The following SLC35F4 variants were observed in gnomAD, a reference collection of about 807,000 sequenced individuals.
SLC35F4 encodes chromosome 14 open reading frame 36.
SLC35F4 carries 24 observed loss-of-function variants against 44.2 expected under a neutral mutation model. The ratio of observed to expected loss-of-function variants is 0.54; its 90% CI spans 0.39 to 0.76. The LOEUF is 0.76. Ranked by LOEUF, SLC35F4 falls within the 30% of genes least tolerant of loss-of-function variation. SLC35F4 has a pLI of 0.00. For missense variants in SLC35F4, 562 were observed against 586.1 expected (o/e 0.96, Z 0.42); for synonymous variants, 238 against 223.6 (o/e 1.06, Z -0.57).
chr14:57,959,486 G>A (rs944878227), intron 1 of SLC35F4, among the ~76,000 whole-genome samples: 1 of 152,016 alleles, frequency 6.6e-6, no homozygotes, highest in African/African-American at 2.4e-5. Context: ...GGAAATTGAG[G>A]TTCTACCCAT....
intron 1 of SLC35F4, among the ~76,000 whole-genome samples, chr14:57,922,810 G>A (rs1164391126): frequency 6.6e-6 from 1 of 152,178 alleles, no homozygotes; most frequent in African/African-American, 2.4e-5. Context: ...TGTGGCATTA[G>A]GCTAGATGAG....
chr14:57,828,192 A>G (rs568414203), intron 1 of SLC35F4, among the ~76,000 whole-genome samples: 1 of 152,184 alleles, frequency 6.6e-6, no homozygotes, highest in African/African-American at 2.4e-5. Context: ...GGAGAGCTTT[A>G]TTTAAACAAA....
chr14:57,668,090 A>G (rs1483819346), intron 1 of SLC35F4, among the ~76,000 whole-genome samples: 2 of 150,164 alleles, frequency 1.3e-5, no homozygotes, highest in African/African-American at 2.5e-5. Context: ...GCCAGTGATG[A>G]TGAGCATTTT....
downstream of SLC35F4, among the ~76,000 whole-genome samples, chr14:57,972,940 C>G (rs1241496335): frequency 6.6e-6 from 1 of 152,236 alleles, no homozygotes; most frequent in Non-Finnish European, 1.5e-5. Context: ...AGTTCCTTTA[C>G]TGGGTGACAG....
intron 1 of SLC35F4, among the ~76,000 whole-genome samples, chr14:57,912,589 T>C (rs751937681): frequency 2.0e-5 from 3 of 152,056 alleles, no homozygotes; most frequent in Non-Finnish European, 4.4e-5. Flanking sequence ...AGCATCTTTC[T>C]GTTGGTGATT....
intron 1 of SLC35F4, among the ~76,000 whole-genome samples, chr14:57,654,467 CA>C (rs2073894304): frequency 6.6e-6 from 1 of 152,026 alleles, no homozygotes; most frequent in Non-Finnish European, 1.5e-5. Context: ...GTATATATAC[CA>C]CATTTTCTTT....
chr14:57,710,965 G>A (rs535434885), intron 1 of SLC35F4, among the ~76,000 whole-genome samples: 33 of 152,170 alleles, frequency 2.2e-4, no homozygotes, highest in African/African-American at 7.7e-4. Context: ...GGGGACTGTT[G>A]GGAAGGCATG....
At chr14:57,566,035 G>A (rs2068189482) in intron 7 of SLC35F4, among the ~76,000 whole-genome samples, 1 of 152,126 alleles carries the variant, frequency 6.6e-6, no homozygotes. Flanking sequence ...ATTCCAGAGG[G>A]CCATCTGCTC....
chr14:57,613,413 C>A (rs141943348), intron 1 of SLC35F4, among the ~76,000 whole-genome samples: 12 of 152,174 alleles, frequency 7.9e-5, no homozygotes, highest in African/African-American at 2.9e-4. Context: ...GAGGAGATGG[C>A]GGTCTGTGCT....
At chr14:57,872,817 G>C (rs1471550358) in intron 1 of SLC35F4, among the ~76,000 whole-genome samples, 1 of 152,138 alleles carries the variant, frequency 6.6e-6, no homozygotes, top group Non-Finnish European at 1.5e-5. Flanking sequence ...ACTATGGTCA[G>C]CTCAGTCACA....
intron 1 of SLC35F4, among the ~76,000 whole-genome samples, chr14:57,950,768 AAGCAATTCTCCTCCCTC>A (rs1890123212): frequency 6.7e-6 from 1 of 149,022 alleles, no homozygotes. Flanking sequence ...ACCCAGGTTA[AAGCAATTCTCCTCCCTC>A]AGCCTCCTGA....
chr14:57,856,174 C>T (rs1361418845), intron 1 of SLC35F4, among the ~76,000 whole-genome samples: 2 of 151,792 alleles, frequency 1.3e-5, no homozygotes, highest in African/African-American at 2.4e-5. Flanking sequence ...GCTCAGGGGG[C>T]ATGTCAGGGG....
At chr14:57,786,526 G>A (rs1383667323) in intron 1 of SLC35F4, among the ~76,000 whole-genome samples, 1 of 152,124 alleles carries the variant, frequency 6.6e-6, no homozygotes, top group Non-Finnish European at 1.5e-5. Flanking sequence ...GCACTCCCTT[G>A]TCATGTCCAC....
intron 1 of SLC35F4, among the ~76,000 whole-genome samples, chr14:57,806,769 G>A (rs732324): frequency 0.44 from 66,534 of 152,036 alleles, 15,962 homozygotes; most frequent in East Asian, 0.62. Context: ...ACTGGGTTGT[G>A]TGGAGAAAAT....
At position 57,651,721 on chromosome 14, in the gene SLC35F4, T is replaced by A. The variant is rs544329141; in HGVS notation, c.104-57597A>T. On this transcript the variant is annotated intron_variant, in intron 1 of 7. Transcript: ENST00000556826. ...GGGAAAATGTCTCTGTGAGTGAGTG[T>A]GTGTGTGTGAGCTGAGAGCTCTGTT... 8.5e-5 allele frequency among the ~76,000 whole-genome samples: 13 copies of A among 152,170 alleles called. No individual in the cohort carries two copies. The East Asian group carries it at 2.1e-3, about 25-fold the overall frequency.
At chr14:57,707,271 G>A (rs716772) in intron 1 of SLC35F4, among the ~76,000 whole-genome samples, 59,941 of 152,004 alleles carry the variant, frequency 0.39, 11,913 homozygotes, top group Middle Eastern at 0.45. Context: ...TGTCCCCACC[G>A]AAATCTCATC....
chr14:57,589,438 G>A lies in SLC35F4; in HGVS notation c.365C>T (p.Thr122Met), dbSNP rs745535282. The A allele has an allele frequency of 5.3e-5, 86 of 1,613,786 alleles. No individual in the cohort carries two copies. The highest frequency in any genetic ancestry group is 1.6e-4 in the Middle Eastern group (1 of 6,084). The change falls in exon 3 of 8, where the codon ACG (threonine) becomes ATG (methionine). Residue 122 changes from threonine to methionine, a missense_variant. Physicochemically the swap from Thr to Met is moderately conservative, Grantham distance 81 (BLOSUM62 -1). Transcript: ENST00000556826. Reference sequence around the variant, plus strand: ...CCAGATGCCCTTCAGAACCATGGACGTGCAGGACAGGCAGCGAGCCTTGAT... The same window carrying A: ...CCAGATGCCCTTCAGAACCATGGACATGCAGGACAGGCAGCGAGCCTTGAT... ...NRIKARCLSCTSMVLKGIWGL... is the reference protein window; with the variant it reads ...NRIKARCLSCMSMVLKGIWGL...
intron 1 of SLC35F4, among the ~76,000 whole-genome samples, chr14:57,751,667 T>C (rs577811194): frequency 2.3e-4 from 35 of 152,300 alleles, no homozygotes; most frequent in African/African-American, 7.9e-4. Context: ...AATGAGATTG[T>C]GTACAAAGAA....
intron 1 of SLC35F4, among the ~76,000 whole-genome samples, chr14:57,790,662 G>C (rs1265592021): frequency 6.6e-6 from 1 of 152,068 alleles, no homozygotes; most frequent in African/African-American, 2.4e-5. Flanking sequence ...AATCAAAAAA[G>C]AGCCCACATA....
Sources: gnomAD v4.1 joint callset for allele counts (sites outside exome capture counted in the v4.1 genomes callset) on GRCh38, gnomAD v4.1.1 for gene constraint, MANE v1.5 for transcripts, NCBI Gene and HGNC (gene_info 2026-07-23, HGNC 2026-07-21) for gene names.